The following H2BN1 variants were observed in gnomAD, a reference collection of about 807,000 sequenced individuals.
The protein encoded by H2BN1 is H2B.N variant histone 1, also known as histone H2B.N.
the H2BN1 span, among the ~76,000 whole-genome samples, chr17:32,904,624 A>T: frequency 6.6e-6 from 1 of 152,186 alleles, no homozygotes; most frequent in Non-Finnish European, 1.5e-5. Context: ...AGAACACCCC[A>T]AAAGGGGTGA....
At chr17:32,897,358 TACACAC>T in the H2BN1 span, among the ~76,000 whole-genome samples, 1,887 of 124,036 alleles carry the variant, frequency 0.015, 47 homozygotes, top group African/African-American at 0.053. Flanking sequence ...CTCTCTGTCT[TACACAC>T]ACACACACAC....
At chr17:32,897,264 C>T in the H2BN1 span, among the ~76,000 whole-genome samples, 31 of 151,414 alleles carry the variant, frequency 2.0e-4, no homozygotes, top group Non-Finnish European at 1.3e-4. Flanking sequence ...ACCAGGAAAA[C>T]TTTTTGAATC....
chr17:32,898,861 G>C, the H2BN1 span, among the ~76,000 whole-genome samples: 4,736 of 152,188 alleles, frequency 0.031, 253 homozygotes, highest in African/African-American at 0.11. Context: ...ATGTAAATAG[G>C]TTGCTATTAT....
chr17:32,898,180 G>A, the H2BN1 span, among the ~76,000 whole-genome samples: 15 of 152,352 alleles, frequency 9.8e-5, no homozygotes, highest in Middle Eastern at 0.014. Context: ...CCGTGACACA[G>A]TCTCAGGAGG....
chr17:32,898,019 C>T, the H2BN1 span, among the ~76,000 whole-genome samples: 1 of 152,190 alleles, frequency 6.6e-6, no homozygotes, highest in Non-Finnish European at 1.5e-5. Context: ...GTTATCCAAA[C>T]AACGGTTATC....
chr17:32,906,006 T>A, the H2BN1 span, among the ~76,000 whole-genome samples: 1 of 152,212 alleles, frequency 6.6e-6, no homozygotes, highest in Admixed American at 6.5e-5. Context: ...CAAATGCCTG[T>A]CGTTGCCCCT....
At chr17:32,900,731 G>T in the H2BN1 span, among the ~76,000 whole-genome samples, 5 of 151,896 alleles carry the variant, frequency 3.3e-5, no homozygotes, top group Admixed American at 2.6e-4. Context: ...ACAGGCGCCT[G>T]CCACCACACC....
the H2BN1 span, chr17:32,906,457 C>T: frequency 6.6e-6 from 1 of 152,202 alleles, no homozygotes; most frequent in Non-Finnish European, 1.5e-5. Flanking sequence ...GGTTGGAAGA[C>T]AAGATGTCTG....
At chr17:32,899,026 G>T in the H2BN1 span, among the ~76,000 whole-genome samples, 1 of 152,100 alleles carries the variant, frequency 6.6e-6, no homozygotes, top group South Asian at 2.1e-4. Flanking sequence ...TTAGAATTTG[G>T]TCTGAACTGT....
the H2BN1 span, among the ~76,000 whole-genome samples, chr17:32,899,493 GC>G: frequency 2.0e-5 from 3 of 152,140 alleles, no homozygotes; most frequent in Non-Finnish European, 4.4e-5. Context: ...TTCCTAAGGG[GC>G]TTTTATTGGC....
chr17:32,900,833 G>A, the H2BN1 span, among the ~76,000 whole-genome samples: 4 of 151,946 alleles, frequency 2.6e-5, no homozygotes, highest in African/African-American at 9.7e-5. Context: ...CACCCACTTT[G>A]GCCTCCCAAA....
At chr17:32,900,796 T>C in the H2BN1 span, among the ~76,000 whole-genome samples, 1 of 152,088 alleles carries the variant, frequency 6.6e-6, no homozygotes, top group East Asian at 1.9e-4. Context: ...TTAGCCAGGA[T>C]GGTCTCGATC....
the H2BN1 span, among the ~76,000 whole-genome samples, chr17:32,897,591 T>C: frequency 6.6e-6 from 1 of 151,854 alleles, no homozygotes; most frequent in Non-Finnish European, 1.5e-5. Flanking sequence ...CGGCAGAGAG[T>C]GCCAATGTTC....
chr17:32,903,657 G>A, the H2BN1 span, among the ~76,000 whole-genome samples: 1 of 152,316 alleles, frequency 6.6e-6, no homozygotes, highest in South Asian at 2.1e-4. Context: ...GCAGGCAGAA[G>A]AGAAAAATAG....
the H2BN1 span, among the ~76,000 whole-genome samples, chr17:32,896,660 G>A: frequency 6.6e-6 from 1 of 152,178 alleles, no homozygotes; most frequent in Admixed American, 6.5e-5. Flanking sequence ...TGCATGATGT[G>A]TAGTGAGGAT....
At chr17:32,906,586 A>T in the H2BN1 span, 1 of 152,206 alleles carries the variant, frequency 6.6e-6, no homozygotes, top group Non-Finnish European at 1.5e-5. Flanking sequence ...TCTCTTGTGC[A>T]TGCTATGTGT....
At chr17:32,901,855 T>C in the H2BN1 span, among the ~76,000 whole-genome samples, 1 of 152,182 alleles carries the variant, frequency 6.6e-6, no homozygotes, top group African/African-American at 2.4e-5. Flanking sequence ...AATTATTTAG[T>C]GTAGAAGTGT....
the H2BN1 span, among the ~76,000 whole-genome samples, chr17:32,903,669 G>A: frequency 3.9e-5 from 6 of 152,242 alleles, no homozygotes; most frequent in African/African-American, 1.2e-4. Flanking sequence ...GAAAAATAGC[G>A]AAAAAGAATT....
At chr17:32,897,357 T>TCACACACACACA in the H2BN1 span, among the ~76,000 whole-genome samples, 2 of 56,288 alleles carry the variant, frequency 3.6e-5, no homozygotes, top group Admixed American at 1.9e-4. Context: ...TCTCTCTGTC[T>TCACACACACACA]TACACACACA....
Sources: allele counts gnomAD v4.1 joint callset (sites outside exome capture counted in the v4.1 genomes callset), GRCh38; gene constraint gnomAD v4.1.1; transcripts MANE v1.5; gene names NCBI Gene and HGNC (gene_info 2026-07-23, HGNC 2026-07-21).